The following NACA variants were observed in gnomAD, a reference collection of about 807,000 sequenced individuals.
NACA encodes nascent polypeptide-associated complex subunit alpha.
In NACA, 42 loss-of-function variants were observed where a neutral mutation model predicts 86.4. The ratio of observed to expected loss-of-function variants is 0.49; its 90% CI spans 0.38 to 0.63. The LOEUF (loss-of-function observed/expected upper bound fraction) is 0.63, where lower values mean the gene tolerates loss of function less well. Ranked by LOEUF, NACA falls within the 20% of genes least tolerant of loss-of-function variation. The pLI is 0.00. For synonymous variants in NACA, 898 were observed against 973.7 expected, an observed-to-expected ratio of 0.92 and a Z score of 1.45; for missense variants, 2,157 against 2,483.6, an observed-to-expected ratio of 0.87 and a Z score of 2.80.
rs1953564053 is a variant in NACA, at chr12:56,721,129, G to A, written c.401C>T (p.Ser134Leu). The change falls in exon 3 of 9, where the codon TCA becomes TTA. Residue 134 changes from serine (S) to leucine (L), a missense_variant. Physicochemically the swap from Ser to Leu is moderately radical, Grantham distance 145. Transcript: ENST00000454682. ...APTLKGTPSS[S>L]APLALVALAP... ...CAGGGCAACCAGAGCTAAGGGAGCT[G>A]AAGAGGAAGGGGTCCCTTTCAGAGT... is the stretch of plus-strand genomic sequence containing the variant. 6 of 1,613,742 alleles carry A rather than the reference G, an allele frequency of 3.7e-6. No homozygotes were observed. Among genetic ancestry groups the A allele is most frequent in the Non-Finnish European group, 5.1e-6 (6 of 1,179,834 alleles).
At position 56,717,325 on chromosome 12, in the gene NACA, G is replaced by C. The variant is rs757162339; in HGVS notation, c.4205C>G (p.Pro1402Arg). 2.9e-6 allele frequency: 4 copies of C among 1,361,750 alleles called. No individual in the cohort carries two copies. Among genetic ancestry groups the C allele is most frequent in the Non-Finnish European group, 2.9e-6 (3 of 1,034,262 alleles). 84.4% of individuals were successfully genotyped at this position (1,361,750 alleles called of 1,614,324 possible). ...GPAIPSPKGD[P>R]TSPAVIPLSP... ...GAGAGGAATCACTGCTGGGGAAGTGGGGTCCCCTTTGGGAGATGGGATAGC... is the reference window on the plus strand; with the variant it reads ...GAGAGGAATCACTGCTGGGGAAGTGCGGTCCCCTTTGGGAGATGGGATAGC... The change falls in exon 3 of 9, where the codon CCC (proline) becomes CGC (arginine). Residue 1402 changes from proline to arginine, a missense_variant. By Grantham distance (103) the Pro-to-Arg change is moderately radical (BLOSUM62 -2). Coordinates refer to ENST00000454682, the MANE Select transcript of NACA (RefSeq NM_001365896.1).
intron 3 of NACA, 40 bp downstream of exon 3, chr12:56,715,828 GGAC>G (rs1440080022): frequency 6.8e-7 from 1 of 1,476,524 alleles, no homozygotes; most frequent in East Asian, 2.3e-5. Flanking sequence ...AGAGGGGTGT[GGAC>G]GACAGACACA....
Position 56,720,467 on chromosome 12 carries a change from A to T in NACA, c.1063T>A (p.Ser355Thr). ...CTGGAAGGAAGGGGAGGAATTACAG[A>T]TCTCTGAGAAGGATAAGAGGCCCCT... ...STGASYPSQR[S>T]VIPPLPSRNE... The change falls in exon 3 of 9, where the codon TCT (serine) becomes ACT (threonine). Residue 355 changes from serine (S) to threonine (T), a missense_variant. Ser to Thr is a moderately conservative substitution (Grantham distance 58). Transcript: ENST00000454682. 6.2e-7 allele frequency: 1 copy of T among 1,613,766 alleles called. No individual in the cohort carries two copies. The highest frequency in any genetic ancestry group is 8.5e-7 in the Non-Finnish European group (1 of 1,179,770).
At position 56,719,200 on chromosome 12, in the gene NACA, G is replaced by A. The variant is rs1385318775; in HGVS notation, c.2330C>T (p.Ala777Val). ...PKECPTEDSG[A>V]SATASSKGTL... The stretch of plus-strand genomic sequence containing the variant: ...TCCTTTGGAAGATGCAGTAGCAGAA[G>A]CACCAGAGTCCTCAGTTGGGCACTC... Residue 777 changes from alanine to valine, a missense_variant, in exon 3 of 9, where the codon GCT becomes GTT. By Grantham distance (64) the Ala-to-Val change is moderately conservative. Transcript: ENST00000454682. 1 of 1,484,750 alleles carries A rather than the reference G, an allele frequency of 6.7e-7. No homozygotes were observed. The highest frequency in any genetic ancestry group is 1.4e-5 in the African/African-American group (1 of 72,716). The allele number at this position is 1,484,750 out of a possible 1,614,324, so 92.0% of individuals were successfully genotyped here.
At chr12:56,723,037 A>T (rs974805375) in intron 2 of NACA, among the ~76,000 whole-genome samples, 2 of 152,228 alleles carry the variant, frequency 1.3e-5, no homozygotes, top group Non-Finnish European at 2.9e-5. Context: ...AAGTCTAACG[A>T]TTACAGGAAA....
chr12:56,713,801 A>G, intron 5 of NACA, 118 bp from the exon 6 acceptor site: 1 of 1,013,548 alleles, frequency 9.9e-7, no homozygotes, highest in Non-Finnish European at 1.5e-6. Context: ...AAGTTCATAC[A>G]AGAATAGAGA....
rs1953456470 is a variant in NACA at position 56,718,323 on chromosome 12, T to C, written c.3207A>G (p.Gly1069=). Residue 1069 remains glycine (G), a synonymous_variant, in exon 3 of 9, where the codon GGA becomes GGG. Transcript: ENST00000454682. ...CCTTGAGGGATGGGGTAGCTGGACC[T>C]CCTTTTGGGGAGGGAAGAGTTGCAG... is the stretch of plus-strand genomic sequence containing the variant. The part of the protein sequence containing the change: ...TPAATLPSPK[G]GPATPSLKGA... The C allele has an allele frequency of 1.8e-6, 2 of 1,120,938 alleles. No individual in the cohort carries two copies. Among genetic ancestry groups the C allele is most frequent in the Admixed American group, 3.9e-5 (1 of 25,806 alleles). 69.4% of individuals were successfully genotyped at this position (1,120,938 alleles called of 1,614,324 possible).
At position 56,720,784 on chromosome 12, in the gene NACA, G is replaced by T. The variant is rs1953550799; in HGVS notation, c.746C>A (p.Thr249Asn). ...LAIASPQVKDTTISSVLISPQ... is the reference protein window; with the variant it reads ...LAIASPQVKDNTISSVLISPQ... Reference sequence around the variant, plus strand: ...AGAAATCAGAACTGAGGAAATGGTGGTATCTTTGACTTGAGGGGAAGCGAT... The same window carrying T: ...AGAAATCAGAACTGAGGAAATGGTGTTATCTTTGACTTGAGGGGAAGCGAT... Residue 249 changes from threonine to asparagine, a missense_variant, in exon 3 of 9, where the codon ACC becomes AAC. Physicochemically the swap from Thr to Asn is moderately conservative, Grantham distance 65. Coordinates refer to ENST00000454682, the MANE Select transcript of NACA (RefSeq NM_001365896.1). 1.9e-6 allele frequency: 3 copies of T among 1,614,006 alleles called. No homozygotes were observed. Among genetic ancestry groups the T allele is most frequent in the East Asian group, 2.2e-5 (1 of 44,888 alleles).
chr12:56,714,779 T>G, intron 3 of NACA, 92 bp from the exon 4 acceptor site: 2 of 1,147,052 alleles, frequency 1.7e-6, no homozygotes, highest in Admixed American at 3.6e-5. Flanking sequence ...GGTGAATGCC[T>G]CATGCTAGAC....
At position 56,719,674 on chromosome 12, in the gene NACA, G is replaced by A; in HGVS notation, c.1856C>T (p.Ser619Phe). ...TGCATAAGAATCTGTCTTGATTACA[G>A]AGGCCGAGGAGTTAACACCCAGAGG... is the stretch of plus-strand genomic sequence containing the variant. ...TSPLGVNSSA[S>F]VIKTDSYAGP... The change falls in exon 3 of 9, where the codon TCT becomes TTT. Residue 619 changes from serine (S) to phenylalanine (F), a missense_variant. Physicochemically the swap from Ser to Phe is radical, Grantham distance 155. Coordinates refer to ENST00000454682, the MANE Select transcript of NACA (RefSeq NM_001365896.1). 1 of 1,613,846 alleles carries A rather than the reference G, an allele frequency of 6.2e-7. No individual in the cohort carries two copies.
In NACA at chr12:56,721,235, C is replaced by T. The variant is rs190712969; in HGVS notation, c.295G>A (p.Ala99Thr). The T allele has an allele frequency of 3.7e-6, 6 of 1,613,540 alleles. No individual in the cohort carries two copies. In the Admixed American group the frequency reaches 8.3e-5, roughly 22 times the overall value. Residue 99 changes from alanine to threonine, a missense_variant, in exon 3 of 9, where the codon GCC becomes ACC. Physicochemically the swap from Ala to Thr is moderately conservative, Grantham distance 58. Transcript: ENST00000454682. The part of the protein sequence containing the change: ...TALPLGTAPE[A>T]PTFLPNLIGP... ...ATTAGGTTTGGTAGGAAGGTTGGGG[C>T]TTCAGGGGCAGTTCCCAAAGGTAGG...
chr12:56,717,293 T>G lies in NACA; in HGVS notation c.4237A>C (p.Lys1413Gln). 1 of 1,324,026 alleles carries G rather than the reference T, an allele frequency of 7.6e-7. No individual in the cohort carries two copies. Among genetic ancestry groups the G allele is most frequent in the Non-Finnish European group, 9.8e-7 (1 of 1,017,504 alleles). 82.0% of individuals were successfully genotyped at this position (1,324,026 alleles called of 1,614,324 possible). A position where few individuals can be genotyped will look rare whatever the true frequency, so the allele number is the denominator to read the frequency against. ...TSPAVIPLSP[K>Q]KAPATPVTRE... ...GTGACTGGAGTTGCTGGAGCCTTTTTGGGGGAGAGAGGAATCACTGCTGGG... is the reference window on the plus strand; with the variant it reads ...GTGACTGGAGTTGCTGGAGCCTTTTGGGGGGAGAGAGGAATCACTGCTGGG... The change falls in exon 3 of 9, where the codon AAA (lysine) becomes CAA (glutamine). Residue 1413 changes from lysine (K) to glutamine (Q), a missense_variant. Lys to Gln is a moderately conservative substitution (Grantham distance 53, BLOSUM62 1). Transcript: ENST00000454682.
At chr12:56,724,902 C>T (rs922748098) in intron 1 of NACA, 2 of 225,624 alleles carry the variant, frequency 8.9e-6, no homozygotes, top group African/African-American at 2.3e-5. Flanking sequence ...TGTTTTAAGT[C>T]CAACACTTGC....
rs570669427 is a variant in NACA at position 56,720,927 on chromosome 12, G to A, written c.603C>T (p.Gly201=). Reference sequence around the variant, plus strand: ...TGACTATACATGGAGGGCTGGGGGTGCCTTTTGGATTAGGGACTACCTCAG... The same window carrying A: ...TGACTATACATGGAGGGCTGGGGGTACCTTTTGGATTAGGGACTACCTCAG... ...VPSEVVPNPK[G]TPSPPCIVST... is the part of the protein sequence containing the mutation. Residue 201 remains glycine (G), a synonymous_variant, in exon 3 of 9, where the codon GGC becomes GGT. Coordinates refer to ENST00000454682, the MANE Select transcript of NACA (RefSeq NM_001365896.1). The A allele has an allele frequency of 8.1e-6, 13 of 1,613,944 alleles. No homozygotes were observed. The highest frequency in any genetic ancestry group is 2.2e-5 in the East Asian group (1 of 44,884).
In NACA at chr12:56,721,405, C is replaced by A; in HGVS notation, c.125G>T (p.Gly42Val). 1 of 1,555,364 alleles carries A rather than the reference C, an allele frequency of 6.4e-7. No homozygotes were observed. Among genetic ancestry groups the A allele is most frequent in the Admixed American group, 2.0e-5 (1 of 49,720 alleles). Residue 42 changes from glycine (G) to valine (V), a missense_variant, in exon 3 of 9, where the codon GGA (glycine) becomes GTA (valine). By Grantham distance (109) the Gly-to-Val change is moderately radical (BLOSUM62 -3). Coordinates refer to ENST00000454682, the MANE Select transcript of NACA (RefSeq NM_001365896.1). ...AGAGCAAGGAGGGGGGAGGGTAGGTCCAGGCTGCCCTAAGGCAGCAGTGAC... is the reference window on the plus strand; with the variant it reads ...AGAGCAAGGAGGGGGGAGGGTAGGTACAGGCTGCCCTAAGGCAGCAGTGAC... ...LSVTAALGQP[G>V]PTLPPPCSPA... is the part of the protein sequence containing the mutation.
In NACA at chr12:56,718,452, G is replaced by A. The variant is rs1411621233; in HGVS notation, c.3078C>T (p.Thr1026=). 6.5e-6 allele frequency: 8 copies of A among 1,237,692 alleles called. No homozygotes were observed. The highest frequency in any genetic ancestry group is 4.2e-5 in the East Asian group (1 of 23,834). The allele number at this position is 1,237,692 out of a possible 1,614,324, so 76.7% of individuals were successfully genotyped here. A position where few individuals can be genotyped will look rare whatever the true frequency, so the allele number is the denominator to read the frequency against. ...GTGTGGATGCCCCTTTGGGGAATGGGGTAGCTGCTGGACTTCCTTTGGGGG... is the reference window on the plus strand; with the variant it reads ...GTGTGGATGCCCCTTTGGGGAATGGAGTAGCTGCTGGACTTCCTTTGGGGG... ...PPSPKGSPAA[T]PFPKGASTPP... The change falls in exon 3 of 9, where the codon ACC becomes ACT. Residue 1026 remains threonine (T), a synonymous_variant. Coordinates refer to ENST00000454682, the MANE Select transcript of NACA (RefSeq NM_001365896.1).
In NACA at chr12:56,717,468, G is replaced by T. The variant is rs1456760592; in HGVS notation, c.4062C>A (p.Pro1354=). The part of the protein sequence containing the change: ...KGTPTLPATT[P]SSKGGPTTPS... ...GAGTAGTTGGGCCTCCTTTAGAGGA[G>T]GGAGTTGTAGCTGGGAGAGTAGGGG... The change falls in exon 3 of 9, where the codon CCC becomes CCA. Residue 1354 remains proline (P), a synonymous_variant. Coordinates refer to ENST00000454682, the MANE Select transcript of NACA (RefSeq NM_001365896.1). 2.9e-6 allele frequency: 4 copies of T among 1,379,276 alleles called. No individual in the cohort carries two copies. The highest frequency in any genetic ancestry group is 3.8e-6 in the Non-Finnish European group (4 of 1,040,318). The allele number at this position is 1,379,276 out of a possible 1,614,324, so 85.4% of individuals were successfully genotyped here. A position where few individuals can be genotyped will look rare whatever the true frequency, so the allele number is the denominator to read the frequency against.
chr12:56,721,529 A>G (rs1953577076), intron 2 of NACA, 70 bp from the exon 3 acceptor site: 3 of 989,046 alleles, frequency 3.0e-6, no homozygotes, highest in Non-Finnish European at 4.3e-6. Flanking sequence ...ATGCAGCCCA[A>G]CTTGGTACAA....
chr12:56,712,595 CAGG>C (rs1953248982), intron 8 of NACA, 43 bp from the exon 9 acceptor site: 3 of 1,608,478 alleles, frequency 1.9e-6, no homozygotes, highest in Non-Finnish European at 2.6e-6. Context: ...ATAGGCAAAT[CAGG>C]AGAATTCAGG....
Sources: allele counts gnomAD v4.1 joint callset (sites outside exome capture counted in the v4.1 genomes callset), GRCh38; gene constraint gnomAD v4.1.1; transcripts MANE v1.5; gene names NCBI Gene and HGNC (gene_info 2026-07-23, HGNC 2026-07-21).